Variants in CACNA2D3 observed in about 807,000 individuals in gnomAD.
CACNA2D3 encodes the protein voltage-dependent calcium channel subunit alpha-2/delta-3.
A neutral mutation model predicts 160.6 loss-of-function variants in CACNA2D3; 60 were observed. The observed-to-expected ratio is 0.37, with a 90% CI of 0.30 to 0.46. The LOEUF (loss-of-function observed/expected upper bound fraction) is 0.46, where lower values mean the gene tolerates loss of function less well. CACNA2D3 is among the 20% of genes least tolerant of loss of function. CACNA2D3 has a pLI of 1.00. For synonymous variants in CACNA2D3, 558 were observed against 492.9 expected (o/e 1.13, Z -1.75); for missense variants, 1,205 against 1,365.0 (o/e 0.88, Z 1.85).
At chr3:54,589,229 C>A (rs1405008850) in intron 9 of CACNA2D3, among the ~76,000 whole-genome samples, 1 of 151,950 alleles carries the variant, frequency 6.6e-6, no homozygotes, top group Non-Finnish European at 1.5e-5. Context: ...CATACATACA[C>A]CCAACTGATT....
intron 11 of CACNA2D3, among the ~76,000 whole-genome samples, chr3:54,698,354 T>C (rs952474930): frequency 1.3e-5 from 2 of 152,234 alleles, no homozygotes; most frequent in African/African-American, 4.8e-5. Context: ...TCCTTTGAAC[T>C]TTTTCAAAAG....
At chr3:54,479,354 A>G (rs1371556231) in intron 4 of CACNA2D3, among the ~76,000 whole-genome samples, 2 of 152,146 alleles carry the variant, frequency 1.3e-5, no homozygotes, top group Admixed American at 1.3e-4. Context: ...GAACTAATAC[A>G]ATAGGGTTCA....
intron 12 of CACNA2D3, among the ~76,000 whole-genome samples, chr3:54,756,375 G>A (rs1701971562): frequency 6.6e-6 from 1 of 152,194 alleles, no homozygotes; most frequent in South Asian, 2.1e-4. Context: ...GCTTCACGTT[G>A]CGTCAGTTAA....
intron 11 of CACNA2D3, among the ~76,000 whole-genome samples, chr3:54,734,002 T>C (rs1404300741): frequency 2.0e-5 from 3 of 151,328 alleles, no homozygotes; most frequent in African/African-American, 7.3e-5. Flanking sequence ...GAATTCGGAG[T>C]TTGACTTTGG....
chr3:55,032,750 G>A (rs920081986), intron 35 of CACNA2D3, among the ~76,000 whole-genome samples: 8 of 152,068 alleles, frequency 5.3e-5, no homozygotes, highest in Non-Finnish European at 8.8e-5. Context: ...TAGAAAAACC[G>A]GTGCCTGGCA....
intron 11 of CACNA2D3, among the ~76,000 whole-genome samples, chr3:54,656,791 A>G (rs1409396547): frequency 2.6e-5 from 4 of 152,234 alleles, no homozygotes; most frequent in Non-Finnish European, 4.4e-5. Flanking sequence ...ACACAGCAGC[A>G]GAGTAACCCT....
chr3:54,339,877 A>G (rs74761912), intron 3 of CACNA2D3, among the ~76,000 whole-genome samples: 13,796 of 152,252 alleles, frequency 0.091, 812 homozygotes, highest in East Asian at 0.18. Flanking sequence ...AGGTTTAATC[A>G]TCAGACCCTA....
At chr3:54,515,749 G>A (rs1460129688) in intron 5 of CACNA2D3, among the ~76,000 whole-genome samples, 1 of 152,184 alleles carries the variant, frequency 6.6e-6, no homozygotes, top group Non-Finnish European at 1.5e-5. Context: ...TCACAGACAT[G>A]GAAATGCCCT....
chr3:54,525,287 A>C (rs1701707694), intron 5 of CACNA2D3, among the ~76,000 whole-genome samples: 1 of 152,060 alleles, frequency 6.6e-6, no homozygotes, highest in African/African-American at 2.4e-5. Context: ...TTACCTCTCT[A>C]TATGTTATAG....
intron 2 of CACNA2D3, among the ~76,000 whole-genome samples, chr3:54,224,656 T>A (rs372123514): frequency 1.3e-5 from 2 of 152,366 alleles, no homozygotes; most frequent in East Asian, 3.9e-4. Context: ...CACTTTCACT[T>A]CTTTTGCCTC....
At chr3:54,371,605 A>G (rs1037215609) in intron 3 of CACNA2D3, among the ~76,000 whole-genome samples, 5 of 152,120 alleles carry the variant, frequency 3.3e-5, no homozygotes, top group Admixed American at 6.5e-5. Flanking sequence ...CCTCTCTCCA[A>G]TTTCCATCAC....
At chr3:54,824,705 G>A (rs1039978142) in intron 14 of CACNA2D3, among the ~76,000 whole-genome samples, 1 of 152,084 alleles carries the variant, frequency 6.6e-6, no homozygotes, top group Non-Finnish European at 1.5e-5. Flanking sequence ...GTACAGACAC[G>A]TCCCTTATGG....
At chr3:54,410,711 A>G (rs549019299) in intron 4 of CACNA2D3, among the ~76,000 whole-genome samples, 7 of 152,330 alleles carry the variant, frequency 4.6e-5, no homozygotes, top group African/African-American at 1.7e-4. Flanking sequence ...GGATGTACAA[A>G]GAGATTAATG....
At chr3:54,253,804 A>G (rs551806266) in intron 2 of CACNA2D3, among the ~76,000 whole-genome samples, 40 of 151,986 alleles carry the variant, frequency 2.6e-4, no homozygotes, top group African/African-American at 8.7e-4. Flanking sequence ...GACAGAGTCT[A>G]TTGCCCAGGC....
At chr3:54,132,995 T>C (rs1699743269) in intron 2 of CACNA2D3, among the ~76,000 whole-genome samples, 1 of 152,166 alleles carries the variant, frequency 6.6e-6, no homozygotes, top group Non-Finnish European at 1.5e-5. Context: ...ACTGTTGTCA[T>C]TGTTATTATT....
intron 2 of CACNA2D3, among the ~76,000 whole-genome samples, chr3:54,283,343 T>C (rs1702926922): frequency 6.6e-6 from 1 of 152,334 alleles, no homozygotes; most frequent in South Asian, 2.1e-4. Context: ...AGATAGACTT[T>C]AAGGGTCCTC....
In CACNA2D3 at chr3:54,402,334, G is replaced by C. The variant is rs148342682; in HGVS notation, c.381+15560G>C. Among the ~76,000 whole-genome samples the C allele has an allele frequency of 2.7e-3, 415 of 152,090 alleles. 4 individuals are homozygous for C. Among genetic ancestry groups the C allele is most frequent in the African/African-American group, 9.2e-3 (380 of 41,504 alleles). On this transcript the variant is annotated intron_variant, in intron 4 of 37. Coordinates refer to ENST00000474759, the MANE Select transcript of CACNA2D3 (RefSeq NM_018398.3). Reference sequence around the variant, plus strand: ...TTAAATTCTCCAACCAAAAGACATAGAGTGGCTAAATTGATTAAAAAAACA... The same window carrying C: ...TTAAATTCTCCAACCAAAAGACATACAGTGGCTAAATTGATTAAAAAAACA...
chr3:54,585,723 A>G (rs1164345434), intron 9 of CACNA2D3, among the ~76,000 whole-genome samples: 7 of 152,198 alleles, frequency 4.6e-5, no homozygotes, highest in Non-Finnish European at 1.5e-5. Flanking sequence ...TTTGCTCAGT[A>G]TCATGAGAAC....
chr3:54,672,010 G>A (rs1459817296), intron 11 of CACNA2D3, among the ~76,000 whole-genome samples: 1 of 152,192 alleles, frequency 6.6e-6, no homozygotes. Context: ...TTCTCCAGGT[G>A]TACTCTGAAA....
Sources: allele counts gnomAD v4.1 joint callset (sites outside exome capture counted in the v4.1 genomes callset), GRCh38; gene constraint gnomAD v4.1.1; transcripts MANE v1.5; gene names NCBI Gene and HGNC (gene_info 2026-07-23, HGNC 2026-07-21).